The following NAB1 variants were observed in gnomAD, a reference collection of about 807,000 sequenced individuals.
NAB1 encodes the protein NGFI-A binding protein 1, also known as NGFI-A-binding protein 1.
Under a neutral mutation model 49.9 loss-of-function variants are expected in NAB1, and 25 were observed. The observed-to-expected ratio is 0.50, with a 90% CI of 0.37 to 0.70. NAB1 has a LOEUF of 0.70. Among genes scored for constraint, NAB1 ranks in the 30% least tolerant of loss-of-function variants. NAB1 has a pLI of 0.00. For synonymous variants in NAB1, 198 were observed against 215.6 expected (o/e 0.92, Z 0.71); for missense variants, 489 against 575.9 (o/e 0.85, Z 1.54).
intron 9 of NAB1, among the ~76,000 whole-genome samples, chr2:190,687,533 A>G (rs1695679828): frequency 6.6e-6 from 1 of 152,206 alleles, no homozygotes; most frequent in African/African-American, 2.4e-5. Flanking sequence ...AACCCGCATT[A>G]GAACATTTCA....
Position 190,685,660 on chromosome 2 carries a change from T to C in NAB1, c.1258+22T>C. 1.9e-6 allele frequency: 3 copies of C among 1,569,736 alleles called. No individual in the cohort carries two copies. Among genetic ancestry groups the C allele is most frequent in the Non-Finnish European group, 2.6e-6 (3 of 1,157,752 alleles). On this transcript the variant is annotated intron_variant, in intron 8 of 9. Coordinates refer to ENST00000337386, the MANE Select transcript of NAB1 (RefSeq NM_005966.4). This position sits in a 1 kb window ranked among gnomAD's most constrained non-coding sequence, Gnocchi z 4.5. ...CAAGGTACATCTTTAGAATATCCTATGCCTTTAGGGCCACTATGTGCACTT... is the reference window on the plus strand; with the variant it reads ...CAAGGTACATCTTTAGAATATCCTACGCCTTTAGGGCCACTATGTGCACTT...
intron 2 of NAB1, among the ~76,000 whole-genome samples, chr2:190,653,007 A>G (rs945828337): frequency 6.6e-6 from 1 of 152,196 alleles, no homozygotes; most frequent in African/African-American, 2.4e-5. Flanking sequence ...TCGTTAGTGT[A>G]TTTTTTGTGT....
At chr2:190,662,387 C>CTT (rs201737455) in intron 4 of NAB1, among the ~76,000 whole-genome samples, 26 of 146,552 alleles carry the variant, frequency 1.8e-4, no homozygotes, top group South Asian at 4.3e-4. Context: ...TTAAGCCCCT[C>CTT]TTTTTTTTTT....
rs187518586 is a variant in NAB1 at position 190,690,357 on chromosome 2, T to C, written c.*24T>C. 282 of 1,527,402 alleles carry C rather than the reference T, an allele frequency of 1.8e-4. 2 individuals carry two copies. The East Asian group carries it at 3.9e-3, about 21-fold the overall frequency. The allele number at this position is 1,527,402 out of a possible 1,614,324, so 94.6% of individuals were successfully genotyped here. On this transcript the variant is annotated 3_prime_UTR_variant, in exon 10 of 10. Coordinates refer to ENST00000337386, the MANE Select transcript of NAB1 (RefSeq NM_005966.4). ...AGCTGTGATTTCTCTCACCGTTCTC[T>C]GGAAATGGCATCAGATTTAAGGATA...
Position 190,659,416 on chromosome 2 carries a change from G to A in NAB1, c.240G>A (p.Gly80=), listed in dbSNP as rs1367992661. The A allele has an allele frequency of 6.2e-7, 1 of 1,613,968 alleles. No homozygotes were observed. Among genetic ancestry groups the A allele is most frequent in the Non-Finnish European group, 8.5e-7 (1 of 1,180,040 alleles). Reference sequence around the variant, plus strand: ...TGAGAGACTGGGTCACAAACCCTGGGCTTTTCAATCAGCCACTGACTTCCC... The same window carrying A: ...TGAGAGACTGGGTCACAAACCCTGGACTTTTCAATCAGCCACTGACTTCCC... ...KALRDWVTNP[G]LFNQPLTSLP... Residue 80 remains glycine, a synonymous_variant, in exon 4 of 10, where the codon GGG becomes GGA. Transcript: ENST00000337386. This position sits in a 1 kb window ranked among gnomAD's most constrained non-coding sequence, Gnocchi z 6.2.
At chr2:190,671,111 C>T (rs115312396) in intron 5 of NAB1, among the ~76,000 whole-genome samples, 5,041 of 152,272 alleles carry the variant, frequency 0.033, 278 homozygotes, top group African/African-American at 0.12. Context: ...CACACAGACC[C>T]CGATTTCCAG....
Position 190,676,840 on chromosome 2 carries a change from A to G in NAB1, c.1005+3688A>G, listed in dbSNP as rs182128621. 7.1e-4 allele frequency: 108 copies of G among 152,370 alleles called. 1 individual carries two copies. Among genetic ancestry groups the G allele is most frequent in the African/African-American group, 2.4e-3 (99 of 41,588 alleles). 9.4% of individuals were successfully genotyped at this position (152,370 alleles called of 1,614,324 possible). A position where few individuals can be genotyped will look rare whatever the true frequency, so the allele number is the denominator to read the frequency against. ...TGTTCTAAAATCCTTTATAACAATA[A>G]GCATATGTGCCACATTGCTGGCTTT... On this transcript the variant is annotated intron_variant, in intron 6 of 9. Coordinates refer to ENST00000337386, the MANE Select transcript of NAB1 (RefSeq NM_005966.4). The surrounding 1 kb of genome is among the most constrained non-coding windows in gnomAD (Gnocchi z 4.6).
Position 190,666,444 on chromosome 2 carries a change from C to T in NAB1, c.820-3882C>T, listed in dbSNP as rs566625872. Reference sequence around the variant, plus strand: ...TTAAGAGGCCGGGCATGGTGGCTCACGCCTGTAATCCCAGCACTTTGGGAG... The same window carrying T: ...TTAAGAGGCCGGGCATGGTGGCTCATGCCTGTAATCCCAGCACTTTGGGAG... On this transcript the variant is annotated intron_variant, in intron 4 of 9. Coordinates refer to ENST00000337386, the MANE Select transcript of NAB1 (RefSeq NM_005966.4). This position sits in a 1 kb window ranked among gnomAD's most constrained non-coding sequence, Gnocchi z 5.6. Among the ~76,000 whole-genome samples, 3 of 152,140 alleles carry T rather than the reference C, an allele frequency of 2.0e-5. No individual in the cohort carries two copies. The highest frequency in any genetic ancestry group is 2.1e-4 in the South Asian group (1 of 4,812).
rs139792478 is a variant in NAB1, at chr2:190,659,986, A to G, written c.810A>G (p.Thr270=). 274 of 1,611,166 alleles carry G rather than the reference A, an allele frequency of 1.7e-4. 1 individual carries two copies. The highest frequency in any genetic ancestry group is 8.3e-4 in the Middle Eastern group (5 of 6,052). ...DSKRKDGKHL[T]LHELTVNEAA... is the part of the protein sequence containing the mutation. ...AGAGGAAGGATGGGAAACATCTCACACTTCATGAGGTACAAAGCCCGCGTT... is the reference window on the plus strand; with the variant it reads ...AGAGGAAGGATGGGAAACATCTCACGCTTCATGAGGTACAAAGCCCGCGTT... Residue 270 remains threonine, a synonymous_variant, in exon 4 of 10, where the codon ACA becomes ACG. Transcript: ENST00000337386. The surrounding 1 kb of genome is among the most constrained non-coding windows in gnomAD (Gnocchi z 6.2).
intron 8 of NAB1, 46 bp from the exon 9 acceptor site, chr2:190,687,155 T>G: frequency 8.1e-7 from 1 of 1,232,804 alleles, no homozygotes; most frequent in Non-Finnish European, 1.1e-6. Context: ...AGAAAAACCA[T>G]GGTATGTTTT....
chr2:190,685,587 T>C lies in NAB1; in HGVS notation c.1207T>C (p.Ser403Pro). The C allele has an allele frequency of 6.2e-7, 1 of 1,614,032 alleles. No homozygotes were observed. Among genetic ancestry groups the C allele is most frequent in the Non-Finnish European group, 8.5e-7 (1 of 1,179,980 alleles). Residue 403 changes from serine (S) to proline (P), a missense_variant, in exon 8 of 10, where the codon TCA becomes CCA. Around this residue, in one of 4 missense-constraint regions of NAB1, gnomAD observed 212 missense variants for 199.3 expected, o/e 1.06. Coordinates refer to ENST00000337386, the MANE Select transcript of NAB1 (RefSeq NM_005966.4). This position sits in a 1 kb window ranked among gnomAD's most constrained non-coding sequence, Gnocchi z 4.5. The stretch of plus-strand genomic sequence containing the variant: ...GTCTGCAGGGCTTTACAGGCAGAGC[T>C]CAGAAGAGCACAGTCCTAACGGCTT... ...RLSAGLYRQS[S>P]EEHSPNGLTS...
In NAB1 at chr2:190,652,189, A is replaced by G. The variant is rs1482975938; in HGVS notation, c.-197+2207A>G. On this transcript the variant is annotated intron_variant, in intron 2 of 9. Transcript: ENST00000337386. The surrounding 1 kb of genome is among the most constrained non-coding windows in gnomAD (Gnocchi z 4.2). ...AGAATTCACACAGCTAAAACATGCC[A>G]TTAAGCTTTCAAAGAGTTTGTCATT... is the stretch of plus-strand genomic sequence containing the variant. 6.6e-6 allele frequency among the ~76,000 whole-genome samples: 1 copy of G among 152,254 alleles called. No individual in the cohort carries two copies. The highest frequency in any genetic ancestry group is 1.5e-5 in the Non-Finnish European group (1 of 68,036).
rs1250847433 is a variant in NAB1 at position 190,679,144 on chromosome 2, T to C, written c.1006-4594T>C. 6.6e-6 allele frequency among the ~76,000 whole-genome samples: 1 copy of C among 152,238 alleles called. No homozygotes were observed. Among genetic ancestry groups the C allele is most frequent in the Non-Finnish European group, 1.5e-5 (1 of 68,050 alleles). The stretch of plus-strand genomic sequence containing the variant: ...TTGCTCATAGTATGGTGCAGCTAGC[T>C]GGTGCCTGGGAAACAAGCTTACGAG... On this transcript the variant is annotated intron_variant, in intron 6 of 9. Transcript: ENST00000337386. This position sits in a 1 kb window ranked among gnomAD's most constrained non-coding sequence, Gnocchi z 5.3.
rs186481656 is a variant in NAB1, at chr2:190,652,881, C to T, written c.-197+2899C>T. ...TCTGGGTCTAGGATGAGAATAAAAG[C>T]GAAAATAATTAATTGCATAGAGCAA... On this transcript the variant is annotated intron_variant, in intron 2 of 9. Transcript: ENST00000337386. This position sits in a 1 kb window ranked among gnomAD's most constrained non-coding sequence, Gnocchi z 4.2. Among the ~76,000 whole-genome samples the T allele has an allele frequency of 3.3e-5, 5 of 152,258 alleles. No homozygotes were observed. Among genetic ancestry groups the T allele is most frequent in the South Asian group, 2.1e-4 (1 of 4,826 alleles).
rs1559262073 is a variant in NAB1, at chr2:190,692,593, A to G, written c.*2260A>G. Reference sequence around the variant, plus strand: ...TTTGTTAGAGGTATTTTCACTGAACAAGGTCAATTGGTTACCTCAGTATTA... The same window carrying G: ...TTTGTTAGAGGTATTTTCACTGAACGAGGTCAATTGGTTACCTCAGTATTA... On this transcript the variant is annotated 3_prime_UTR_variant, in exon 10 of 10. Transcript: ENST00000337386. The surrounding 1 kb of genome is among the most constrained non-coding windows in gnomAD (Gnocchi z 5.2). The G allele has an allele frequency of 6.6e-6, 1 of 152,642 alleles. No individual in the cohort carries two copies. Among genetic ancestry groups the G allele is most frequent in the Non-Finnish European group, 1.5e-5 (1 of 68,048 alleles). 9.5% of individuals were successfully genotyped at this position (152,642 alleles called of 1,614,324 possible). A position where few individuals can be genotyped will look rare whatever the true frequency, so the allele number is the denominator to read the frequency against.
At position 190,680,759 on chromosome 2, in the gene NAB1, T is replaced by C. The variant is rs1027293917; in HGVS notation, c.1006-2979T>C. On this transcript the variant is annotated intron_variant, in intron 6 of 9. Coordinates refer to ENST00000337386, the MANE Select transcript of NAB1 (RefSeq NM_005966.4). The surrounding 1 kb of genome is among the most constrained non-coding windows in gnomAD (Gnocchi z 5.2). ...TCTCTAAGATGTCTGTACTTTGTAA[T>C]TGTCCATAAAATTTCTCTTTTTTCC... Among the ~76,000 whole-genome samples the C allele has an allele frequency of 1.3e-5, 2 of 152,238 alleles. No homozygotes were observed. The highest frequency in any genetic ancestry group is 2.9e-5 in the Non-Finnish European group (2 of 68,042).
intron 6 of NAB1, 56 bp downstream of exon 6, chr2:190,673,208 T>C: frequency 6.5e-7 from 1 of 1,541,620 alleles, no homozygotes; most frequent in Non-Finnish European, 8.9e-7. Context: ...TGTTTTAAGA[T>C]CAAGCAAAAT....
rs1338456468 is a variant in NAB1 at position 190,683,465 on chromosome 2, C to A, written c.1006-273C>A. 2.0e-5 allele frequency among the ~76,000 whole-genome samples: 3 copies of A among 151,696 alleles called. No homozygotes were observed. In the East Asian group the frequency reaches 5.8e-4, roughly 29 times the overall value. ...CCAGCCTAGGTGAAATGTTATATAACCGTTATTATCAATGATCATAAAGCC... is the reference window on the plus strand; with the variant it reads ...CCAGCCTAGGTGAAATGTTATATAAACGTTATTATCAATGATCATAAAGCC... On this transcript the variant is annotated intron_variant, in intron 6 of 9. Transcript: ENST00000337386.
rs1695965744 is a variant in NAB1, at chr2:190,692,258, C to A, written c.*1925C>A. On this transcript the variant is annotated 3_prime_UTR_variant, in exon 10 of 10. Coordinates refer to ENST00000337386, the MANE Select transcript of NAB1 (RefSeq NM_005966.4). The surrounding 1 kb of genome is among the most constrained non-coding windows in gnomAD (Gnocchi z 5.2). ...TTTTTTTTTAATTGTGTCTTACAGT[C>A]AAGTTTGTAGATTTTCATAAGCCAC... The A allele has an allele frequency of 6.6e-6, 1 of 152,386 alleles. No homozygotes were observed. Among genetic ancestry groups the A allele is most frequent in the Non-Finnish European group, 1.5e-5 (1 of 67,996 alleles). 9.4% of individuals were successfully genotyped at this position (152,386 alleles called of 1,614,324 possible).
Sources: allele counts gnomAD v4.1 joint callset (sites outside exome capture counted in the v4.1 genomes callset), GRCh38; gene constraint gnomAD v4.1.1; regional missense constraint gnomAD v4.1.1; non-coding constraint Gnocchi (gnomAD v3.1); transcripts MANE v1.5; gene names NCBI Gene and HGNC (gene_info 2026-07-23, HGNC 2026-07-21).